CCDC192: variants seen among roughly 807,000 people sequenced by gnomAD.
CCDC192 encodes the protein coiled-coil domain-containing protein 192.
At chr5:127,886,014 T>C (rs1183790924) in intron 6 of CCDC192, among the ~76,000 whole-genome samples, 1 of 152,186 alleles carries the variant, frequency 6.6e-6, no homozygotes, top group Non-Finnish European at 1.5e-5. Context: ...TCGTATGCAG[T>C]TGGATCCCAG....
intron 5 of CCDC192, among the ~76,000 whole-genome samples, chr5:127,851,686 G>A (rs1040684390): frequency 3.3e-5 from 5 of 152,166 alleles, no homozygotes; most frequent in African/African-American, 9.6e-5. Flanking sequence ...TCGAACTCCT[G>A]ACCTCGTGAT....
At chr5:127,890,964 T>C (rs983979906) in intron 6 of CCDC192, among the ~76,000 whole-genome samples, 1 of 152,158 alleles carries the variant, frequency 6.6e-6, no homozygotes, top group Non-Finnish European at 1.5e-5. Flanking sequence ...TTTTTCCCCA[T>C]AGATTGCTTT....
At chr5:127,787,238 C>T (rs113744126) in intron 3 of CCDC192, among the ~76,000 whole-genome samples, 9 of 152,278 alleles carry the variant, frequency 5.9e-5, no homozygotes, top group African/African-American at 2.2e-4. Flanking sequence ...TCCCCTGATG[C>T]CTCCACCTGG....
intron 5 of CCDC192, among the ~76,000 whole-genome samples, chr5:127,838,133 T>C (rs542964819): frequency 5.3e-5 from 8 of 152,368 alleles, no homozygotes; most frequent in African/African-American, 1.9e-4. Flanking sequence ...TTCAGTCTTC[T>C]TTCATCTCCC....
At chr5:127,768,647 G>C (rs1341202789) in intron 3 of CCDC192, among the ~76,000 whole-genome samples, 1 of 152,170 alleles carries the variant, frequency 6.6e-6, no homozygotes, top group Non-Finnish European at 1.5e-5. Context: ...CTTCTAAGTA[G>C]ACCCTTGGAG....
chr5:127,765,035 A>G (rs1755140930), intron 3 of CCDC192, among the ~76,000 whole-genome samples: 1 of 152,202 alleles, frequency 6.6e-6, no homozygotes, highest in Non-Finnish European at 1.5e-5. Context: ...AGGTTATTGA[A>G]TGAGTGTATA....
chr5:127,795,777 C>T (rs1352180200), intron 3 of CCDC192, among the ~76,000 whole-genome samples: 1 of 151,874 alleles, frequency 6.6e-6, no homozygotes, highest in African/African-American at 2.4e-5. Flanking sequence ...TTTTTTTTAA[C>T]CCAAAGGATA....
intron 3 of CCDC192, among the ~76,000 whole-genome samples, chr5:127,777,149 T>C (rs896734316): frequency 6.6e-6 from 1 of 152,166 alleles, no homozygotes; most frequent in African/African-American, 2.4e-5. Flanking sequence ...TGCCAGCCTA[T>C]AAAAGCAGCC....
intron 2 of CCDC192, among the ~76,000 whole-genome samples, chr5:127,753,042 C>A (rs1217442505): frequency 6.6e-6 from 1 of 152,170 alleles, no homozygotes; most frequent in East Asian, 1.9e-4. Context: ...AACCCGGTAC[C>A]TCAGATGGAA....
At chr5:127,730,960 C>T (rs1367882739) in intron 2 of CCDC192, among the ~76,000 whole-genome samples, 1 of 151,948 alleles carries the variant, frequency 6.6e-6, no homozygotes, top group Non-Finnish European at 1.5e-5. Flanking sequence ...CAGGCCAAGA[C>T]GAGGATGCCC....
rs1554068201 is a variant in CCDC192 at position 127,719,831 on chromosome 5, G to GGC, written c.114+12072_114+12073insCG. On this transcript the variant is annotated intron_variant, in intron 2 of 6. Coordinates refer to ENST00000514853, the MANE Select transcript of CCDC192 (RefSeq NM_001317938.2). ...TCTCGCATGGCCAGATCAGAGGAAG[G>GGC]GGCGGGGGAGGTGACACATGCTTTT... Among the ~76,000 whole-genome samples the GGC allele has an allele frequency of 4.0e-4, 27 of 66,926 alleles. 1 individual carries two copies. The South Asian group carries it at 4.2e-3, about 10-fold the overall frequency. The allele number at this position is 66,926 out of a possible 152,430, so 43.9% of individuals were successfully genotyped here.
chr5:127,776,510 A>G (rs1464345832), intron 3 of CCDC192, among the ~76,000 whole-genome samples: 1 of 152,128 alleles, frequency 6.6e-6, no homozygotes, highest in Non-Finnish European at 1.5e-5. Context: ...GAAAAGAAAA[A>G]CCCATTTTCT....
intron 6 of CCDC192, among the ~76,000 whole-genome samples, chr5:127,935,737 A>G (rs1000428822): frequency 6.6e-6 from 1 of 152,168 alleles, no homozygotes; most frequent in African/African-American, 2.4e-5. Flanking sequence ...TTTTTAACTC[A>G]TTGATTACAA....
At chr5:127,821,586 A>G (rs577817102) in intron 5 of CCDC192, among the ~76,000 whole-genome samples, 1 of 152,296 alleles carries the variant, frequency 6.6e-6, no homozygotes. Context: ...CATTTTACCA[A>G]TGTTGAAGCT....
chr5:127,847,753 G>A (rs975316337), intron 5 of CCDC192, among the ~76,000 whole-genome samples: 2 of 151,866 alleles, frequency 1.3e-5, no homozygotes, highest in Non-Finnish European at 2.9e-5. Flanking sequence ...AACCTGGAAG[G>A]TGGAGGTTGC....
At chr5:127,902,063 G>C (rs968670693) in intron 6 of CCDC192, among the ~76,000 whole-genome samples, 17 of 152,152 alleles carry the variant, frequency 1.1e-4, no homozygotes, top group African/African-American at 3.9e-4. Context: ...CTGAGGTCAG[G>C]AGTTCAAGAC....
intron 2 of CCDC192, among the ~76,000 whole-genome samples, chr5:127,727,838 G>C (rs564138896): frequency 1.3e-5 from 2 of 152,000 alleles, no homozygotes; most frequent in East Asian, 3.9e-4. Context: ...CCAGTTTAGA[G>C]AAGAAAATAA....
chr5:127,898,519 A>G (rs1752956758), intron 6 of CCDC192, among the ~76,000 whole-genome samples: 1 of 152,186 alleles, frequency 6.6e-6, no homozygotes, highest in African/African-American at 2.4e-5. Flanking sequence ...GGAAAAAGAA[A>G]AACTGAAATC....
chr5:127,754,221 A>C (rs985173771), intron 2 of CCDC192, 47 bp from the exon 3 acceptor site: 1 of 397,992 alleles, frequency 2.5e-6, no homozygotes. Flanking sequence ...AGATGCACTC[A>C]AACTATCCAT....
Sources: allele counts gnomAD v4.1 joint callset (sites outside exome capture counted in the v4.1 genomes callset), GRCh38; gene constraint gnomAD v4.1.1; transcripts MANE v1.5; gene names NCBI Gene and HGNC (gene_info 2026-07-23, HGNC 2026-07-21).